Variants in DPH1 observed in about 807,000 individuals in gnomAD.
DPH1 encodes the protein 2-(3-amino-3-carboxypropyl)histidine synthase subunit 1.
DPH1 carries 59 observed loss-of-function variants against 55.3 expected under a neutral mutation model. The observed-to-expected ratio is 1.07, with a 90% CI of 0.87 to 1.33. The LOEUF is 1.33. Among genes scored for constraint, DPH1 ranks in the 40% most tolerant of loss-of-function variants. The probability of loss-of-function intolerance (pLI) is 0.00; values close to 1 mark genes in which losing one functional copy is unlikely to be tolerated. For missense variants in DPH1, 628 were observed against 584.8 expected, an observed-to-expected ratio of 1.07 and a Z score of -0.76; for synonymous variants, 238 against 235.5, an observed-to-expected ratio of 1.01 and a Z score of -0.10.
At chr17:2,033,742 T>C in intron 2 of DPH1, 37 bp from the exon 3 acceptor site, 1 of 1,614,176 alleles carries the variant, frequency 6.2e-7, no homozygotes, top group East Asian at 2.2e-5. Flanking sequence ...AGCCCCTTCC[T>C]AGCCCTCCAC....
In DPH1 at chr17:2,043,192, G is replaced by C. The variant is rs867338899; in HGVS notation, c.*606G>C. ...GCCCTCCCAGGACCCTCCACTCACT[G>C]CTGTGAGTGCGCCTCACCAGAACCA... On this transcript the variant is annotated 3_prime_UTR_variant, in exon 13 of 13. Coordinates refer to ENST00000263083, the MANE Select transcript of DPH1 (RefSeq NM_001383.6). 4 of 1,453,366 alleles carry C rather than the reference G, an allele frequency of 2.8e-6. No homozygotes were observed. The highest frequency in any genetic ancestry group is 3.7e-4 in the Middle Eastern group (2 of 5,382). The allele number at this position is 1,453,366 out of a possible 1,614,324, so 90.0% of individuals were successfully genotyped here. A position where few individuals can be genotyped will look rare whatever the true frequency, so the allele number is the denominator to read the frequency against.
At position 2,042,296 on chromosome 17, in the gene DPH1, C is replaced by G. The variant is rs1362985359; in HGVS notation, c.*19-309C>G. 3.6e-6 allele frequency: 5 copies of G among 1,396,916 alleles called. No homozygotes were observed. The East Asian group carries it at 1.4e-4, about 40-fold the overall frequency. 86.5% of individuals were successfully genotyped at this position (1,396,916 alleles called of 1,614,324 possible). On this transcript the variant is annotated intron_variant, in intron 12 of 12. Transcript: ENST00000263083. ...CCATCTTGTTTCGTCCCCCTCGACA[C>G]CCTTCAGCATCCCCCACCCTGCGTC...
chr17:2,036,197 A>C lies in DPH1; in HGVS notation c.400+106A>C. ...CCTTCTTGTCCTGCTTGGAGACACA[A>C]GGTCCCTCCTGGTTTCTGGGGTGGC... On this transcript the variant is annotated intron_variant, in intron 4 of 12. Coordinates refer to ENST00000263083, the MANE Select transcript of DPH1 (RefSeq NM_001383.6). This position sits in a 1 kb window ranked among gnomAD's most constrained non-coding sequence, Gnocchi z 4.8. 6.6e-7 allele frequency: 1 copy of C among 1,512,974 alleles called. No individual in the cohort carries two copies. The highest frequency in any genetic ancestry group is 8.9e-7 in the Non-Finnish European group (1 of 1,128,488). 93.7% of individuals were successfully genotyped at this position (1,512,974 alleles called of 1,614,324 possible).
chr17:2,042,203 G>A lies in DPH1; in HGVS notation c.*18+328G>A, dbSNP rs546619179. On this transcript the variant is annotated intron_variant, in intron 12 of 12. Transcript: ENST00000263083. ...GCCCGCACCCGGTCCCCGACCCCCC[G>A]GGCCCCGAGGGCGCCAGATCAGACT... 152 of 1,431,968 alleles carry A rather than the reference G, an allele frequency of 1.1e-4. 1 individual carries two copies. In the South Asian group the frequency reaches 2.0e-3, roughly 19 times the overall value. The allele number at this position is 1,431,968 out of a possible 1,614,324, so 88.7% of individuals were successfully genotyped here.
At position 2,030,188 on chromosome 17, in the gene DPH1, T is replaced by G. The variant is rs571457784; in HGVS notation, c.19T>G (p.Ser7Ala). 1 of 1,603,084 alleles carries G rather than the reference T, an allele frequency of 6.2e-7. No homozygotes were observed. Among genetic ancestry groups the G allele is most frequent in the African/African-American group, 1.3e-5 (1 of 75,002 alleles). ...GCAGGTGATGGCGGCGCTGGTCGTA[T>G]CCGGGGCAGCGGAGCAGGGCGGCCG... MAALVV[S>A]GAAEQGGRDG... Residue 7 changes from serine (S) to alanine (A), a missense_variant, in exon 1 of 13, where the codon TCC (serine) becomes GCC (alanine). Physicochemically the swap from Ser to Ala is moderately conservative, Grantham distance 99. Transcript: ENST00000263083.
At chr17:2,042,198 C>T in intron 12 of DPH1, 1 of 1,427,958 alleles carries the variant, frequency 7.0e-7, no homozygotes, top group Non-Finnish European at 9.1e-7. Flanking sequence ...GGTCCCCGAC[C>T]CCCCGGGCCC....
chr17:2,042,829 C>G lies in DPH1; in HGVS notation c.*243C>G. On this transcript the variant is annotated 3_prime_UTR_variant, in exon 13 of 13. Coordinates refer to ENST00000263083, the MANE Select transcript of DPH1 (RefSeq NM_001383.6). The stretch of plus-strand genomic sequence containing the variant: ...GTGTGCCCTGGGCCAGGCAGGCGAT[C>G]CCCGCTTCCCCTTGCCACGGTTTAT... The G allele has an allele frequency of 6.2e-7, 1 of 1,614,122 alleles. No individual in the cohort carries two copies. Among genetic ancestry groups the G allele is most frequent in the Non-Finnish European group, 8.5e-7 (1 of 1,180,030 alleles).
chr17:2,037,022 G>T (rs1352708943), intron 6 of DPH1, 66 bp downstream of exon 6: 10 of 1,553,468 alleles, frequency 6.4e-6, no homozygotes, highest in Admixed American at 2.0e-5. Context: ...GGAGCCTGAG[G>T]TTCATCATCC....
rs185609036 is a variant in DPH1 at position 2,043,197 on chromosome 17, G to T, written c.*611G>T. 4.4e-5 allele frequency: 63 copies of T among 1,433,942 alleles called. No individual in the cohort carries two copies. The East Asian group carries it at 1.4e-3, about 33-fold the overall frequency. The allele number at this position is 1,433,942 out of a possible 1,614,324, so 88.8% of individuals were successfully genotyped here. On this transcript the variant is annotated 3_prime_UTR_variant, in exon 13 of 13. Transcript: ENST00000263083. Reference sequence around the variant, plus strand: ...CCCAGGACCCTCCACTCACTGCTGTGAGTGCGCCTCACCAGAACCAGTTAA... The same window carrying T: ...CCCAGGACCCTCCACTCACTGCTGTTAGTGCGCCTCACCAGAACCAGTTAA...
chr17:2,035,923 C>T, intron 3 of DPH1, 47 bp from the exon 4 acceptor site: 1 of 1,612,102 alleles, frequency 6.2e-7, no homozygotes, highest in Non-Finnish European at 8.5e-7. Flanking sequence ...TCTCCTACCT[C>T]AGTCCCTGTG....
chr17:2,030,298 G>A (rs1480865482), intron 1 of DPH1, 68 bp downstream of exon 1: 2 of 1,470,484 alleles, frequency 1.4e-6, no homozygotes, highest in Non-Finnish European at 9.1e-7. Flanking sequence ...TTAGGGACAG[G>A]ACCAACCCCC....
intron 7 of DPH1, 144 bp downstream of exon 7, chr17:2,039,967 G>T: frequency 1.5e-6 from 2 of 1,311,418 alleles, no homozygotes; most frequent in Non-Finnish European, 2.2e-6. Flanking sequence ...CTGGATCTGG[G>T]CATTAGCCCC....
At chr17:2,042,336 C>T (rs1167224254) in intron 12 of DPH1, 1 of 1,363,706 alleles carries the variant, frequency 7.3e-7, no homozygotes. Flanking sequence ...CGCATTCCTC[C>T]CACCCAGTCC....
chr17:2,037,127 C>G (rs933932212), intron 6 of DPH1, 171 bp downstream of exon 6: 2 of 971,018 alleles, frequency 2.1e-6, no homozygotes, highest in South Asian at 3.8e-5. Flanking sequence ...GGTTTACTGT[C>G]GCTTTCTCCA....
Position 2,042,848 on chromosome 17 carries a change from G to A in DPH1, c.*262G>A. Reference sequence around the variant, plus strand: ...GGCGATCCCCGCTTCCCCTTGCCACGGTTTATCCTCTTGGTGTCTGGTTTC... The same window carrying A: ...GGCGATCCCCGCTTCCCCTTGCCACAGTTTATCCTCTTGGTGTCTGGTTTC... On this transcript the variant is annotated 3_prime_UTR_variant, in exon 13 of 13. Transcript: ENST00000263083. 2 of 1,614,136 alleles carry A rather than the reference G, an allele frequency of 1.2e-6. No homozygotes were observed. The highest frequency in any genetic ancestry group is 1.7e-6 in the Non-Finnish European group (2 of 1,180,016).
rs1161857912 is a variant in DPH1, at chr17:2,041,556, C to T, written c.1162C>T (p.Pro388Ser). 2 of 1,612,180 alleles carry T rather than the reference C, an allele frequency of 1.2e-6. No individual in the cohort carries two copies. Among genetic ancestry groups the T allele is most frequent in the Non-Finnish European group, 1.7e-6 (2 of 1,179,460 alleles). Residue 388 changes from proline to serine, a missense_variant, in exon 11 of 13, where the codon CCC becomes TCC. By Grantham distance (74) the Pro-to-Ser change is moderately conservative (BLOSUM62 -1). Transcript: ENST00000263083. ...MDFYAGSSLG[P>S]WTVNHGQDRR... ...CTTCTACGCTGGCAGCTCCTTGGGGCCCTGGACGGTGAACCACGGCCAGGA... is the reference window on the plus strand; with the variant it reads ...CTTCTACGCTGGCAGCTCCTTGGGGTCCTGGACGGTGAACCACGGCCAGGA...
At chr17:2,041,040 T>G in intron 9 of DPH1, 63 bp from the exon 10 acceptor site, 1 of 1,509,308 alleles carries the variant, frequency 6.6e-7, no homozygotes, top group Non-Finnish European at 9.0e-7. Context: ...GTCATGTTCT[T>G]CAGCATGCTG....
Position 2,040,163 on chromosome 17 carries a change from A to G in DPH1, c.750-55A>G, listed in dbSNP as rs1011238874. On this transcript the variant is annotated intron_variant, in intron 7 of 12. Transcript: ENST00000263083. ...CGGGGCTGAGTCAGGAGCTGTGTGCATAATACTGGTCCTGACAGTGGCTGC... is the reference window on the plus strand; with the variant it reads ...CGGGGCTGAGTCAGGAGCTGTGTGCGTAATACTGGTCCTGACAGTGGCTGC... The G allele has an allele frequency of 3.1e-6, 5 of 1,603,430 alleles. No individual in the cohort carries two copies. The Admixed American group carries it at 5.0e-5, about 16-fold the overall frequency.
chr17:2,033,943 T>G (rs2067367531), intron 3 of DPH1, 101 bp downstream of exon 3: 1 of 1,365,442 alleles, frequency 7.3e-7, no homozygotes, highest in East Asian at 2.3e-5. Context: ...CATTTTTTCC[T>G]TCTGAACCTC....
Sources: allele counts gnomAD v4.1 joint callset, GRCh38; gene constraint gnomAD v4.1.1; non-coding constraint Gnocchi (gnomAD v3.1); transcripts MANE v1.5; gene names NCBI Gene and HGNC (gene_info 2026-07-23, HGNC 2026-07-21).